Variants in CDKN1A observed in about 807,000 individuals in gnomAD.
The protein encoded by CDKN1A is cyclin-dependent kinase inhibitor 1.
CDKN1A carries 14 observed loss-of-function variants against 14.8 expected under a neutral mutation model. The ratio of observed to expected loss-of-function variants is 0.94; its 90% CI spans 0.62 to 1.48. The LOEUF is 1.48. Ranked by LOEUF, CDKN1A falls within the 40% of genes most tolerant of loss-of-function variation. CDKN1A has a pLI of 0.00. For missense variants in CDKN1A, 203 were observed against 231.7 expected (o/e 0.88, Z 0.80); for synonymous variants, 92 against 93.5 (o/e 0.98, Z 0.09).
chr6:36,681,898 A>T lies in CDKN1A; in HGVS notation c.-5-2199A>T, dbSNP rs1388902990. Reference sequence around the variant, plus strand: ...TGTGAGACACTGCACCCAACCACCCAGCTAATTTTTATTTATTTTTATTTT... The same window carrying T: ...TGTGAGACACTGCACCCAACCACCCTGCTAATTTTTATTTATTTTTATTTT... On this transcript the variant is annotated intron_variant, in intron 1 of 2. Coordinates refer to ENST00000244741, the MANE Select transcript of CDKN1A (RefSeq NM_000389.5). 2.0e-5 allele frequency among the ~76,000 whole-genome samples: 3 copies of T among 151,920 alleles called. No individual in the cohort carries two copies. In the East Asian group the frequency reaches 5.8e-4, roughly 29 times the overall value.
At chr6:36,681,270 T>TTCTCTCTTTCTTTCCC (rs748598723) in intron 1 of CDKN1A, among the ~76,000 whole-genome samples, 4 of 86,046 alleles carry the variant, frequency 4.6e-5, no homozygotes, top group Admixed American at 1.2e-4. Context: ...GTGCTTTTCT[T>TTCTCTCTTTCTTTCCC]TCTTTCTTTT....
At chr6:36,685,064 T>G (rs1762154265) in intron 2 of CDKN1A, among the ~76,000 whole-genome samples, 1 of 152,164 alleles carries the variant, frequency 6.6e-6, no homozygotes, top group African/African-American at 2.4e-5. Flanking sequence ...GGTCTTGAAC[T>G]CCTGAGCTCA....
At chr6:36,678,645 GTCCCGCCTCCTT>G, upstream of CDKN1A, 1 of 984,378 alleles carries the variant, frequency 1.0e-6, no homozygotes, top group Non-Finnish European at 1.2e-6. The surrounding 1 kb of genome is among the most constrained non-coding windows in gnomAD (Gnocchi z 5.7). Context: ...CCGAGCGCGG[GTCCCGCCTCCTT>G]GAGGCGGGCC....
intron 1 of CDKN1A, among the ~76,000 whole-genome samples, chr6:36,681,811 G>C (rs1318302440): frequency 2.6e-5 from 4 of 151,902 alleles, no homozygotes; most frequent in East Asian, 3.9e-4. Flanking sequence ...AGCCAGGATG[G>C]TCTCAATCTC....
upstream of CDKN1A, chr6:36,678,620 G>T (rs973415904): frequency 1.7e-5 from 17 of 979,898 alleles, no homozygotes; most frequent in Non-Finnish European, 2.1e-5. The surrounding 1 kb of genome is among the most constrained non-coding windows in gnomAD (Gnocchi z 5.7). Context: ...GGGCGGTCCC[G>T]GGCGGCGCGG....
Position 36,684,127 on chromosome 6 carries a change from G to A in CDKN1A, c.26G>A (p.Arg9His), listed in dbSNP as rs143419412. 114 of 1,613,302 alleles carry A rather than the reference G, an allele frequency of 7.1e-5. No individual in the cohort carries two copies. The African/African-American group carries it at 1.1e-3, about 16-fold the overall frequency. Residue 9 changes from arginine (R) to histidine (H), a missense_variant, in exon 2 of 3, where the codon CGT (arginine) becomes CAT (histidine). Coordinates refer to ENST00000244741, the MANE Select transcript of CDKN1A (RefSeq NM_000389.5). The surrounding 1 kb of genome is among the most constrained non-coding windows in gnomAD (Gnocchi z 6.0). ...ATGTCAGAACCGGCTGGGGATGTCC[G>A]TCAGAACCCATGCGGCAGCAAGGCC... MSEPAGDV[R>H]QNPCGSKACR... is the part of the protein sequence containing the mutation.
At chr6:36,677,765 C>A (rs1761741296), upstream of CDKN1A, 2 of 720,242 alleles carry the variant, frequency 2.8e-6, no homozygotes, top group African/African-American at 1.8e-5. Context: ...ATAGTCATTT[C>A]TTTGCTGCAT....
chr6:36,686,477 C>T lies in CDKN1A; in HGVS notation c.*677C>T, dbSNP rs2150316110. On this transcript the variant is annotated 3_prime_UTR_variant, in exon 3 of 3. Transcript: ENST00000244741. This position sits in a 1 kb window ranked among gnomAD's most constrained non-coding sequence, Gnocchi z 4.9. ...TGGAGCAGACCACCCCGCCTGCCCT[C>T]ATGGCCCCTCTGACCTGCACTGGGG... is the stretch of plus-strand genomic sequence containing the variant. The T allele has an allele frequency of 4.2e-6, 1 of 237,766 alleles. No homozygotes were observed. Among genetic ancestry groups the T allele is most frequent in the African/African-American group, 2.2e-5 (1 of 45,494 alleles). The allele number at this position is 237,766 out of a possible 1,614,324, so 14.7% of individuals were successfully genotyped here.
intron 1 of CDKN1A, among the ~76,000 whole-genome samples, chr6:36,679,544 G>A (rs1761828096): frequency 6.6e-6 from 1 of 152,216 alleles, no homozygotes; most frequent in Non-Finnish European, 1.5e-5. Flanking sequence ...GCCCCTTCGC[G>A]GTCTCCGTCC....
At chr6:36,681,400 TCTTTCTTC>T (rs201609483) in intron 1 of CDKN1A, among the ~76,000 whole-genome samples, 7 of 101,988 alleles carry the variant, frequency 6.9e-5, no homozygotes, top group South Asian at 3.4e-4. Flanking sequence ...TTTCTTTCTT[TCTTTCTTC>T]CTTTCTCTTT....
rs530206556 is a variant in CDKN1A at position 36,678,723 on chromosome 6, G to A, written c.-81G>A. ...CTGAGCTGCGCCAGCTGAGGTGTGA[G>A]CAGCTGCCGAAGTCAGTTCCTTGTG... On this transcript the variant is annotated 5_prime_UTR_variant, in exon 1 of 3. Transcript: ENST00000244741. This position sits in a 1 kb window ranked among gnomAD's most constrained non-coding sequence, Gnocchi z 5.7. The A allele has an allele frequency of 4.1e-6, 4 of 985,520 alleles. No individual in the cohort carries two copies. The highest frequency in any genetic ancestry group is 6.1e-5 in the Admixed American group (1 of 16,296). The allele number at this position is 985,520 out of a possible 1,614,324, so 61.0% of individuals were successfully genotyped here. A position where few individuals can be genotyped will look rare whatever the true frequency, so the allele number is the denominator to read the frequency against.
rs757064535 is a variant in CDKN1A, at chr6:36,684,557, G to A, written c.445+11G>A. 3.1e-6 allele frequency: 5 copies of A among 1,612,784 alleles called. No individual in the cohort carries two copies. The highest frequency in any genetic ancestry group is 1.3e-5 in the African/African-American group (1 of 74,926). ...AGACCAGCATGACAGGTGCGGACAT[G>A]TGCACGGAAGGACTTTGTAAGGGAC... On this transcript the variant is annotated intron_variant, in intron 2 of 2. Coordinates refer to ENST00000244741, the MANE Select transcript of CDKN1A (RefSeq NM_000389.5). The surrounding 1 kb of genome is among the most constrained non-coding windows in gnomAD (Gnocchi z 6.0).
At chr6:36,683,138 A>G (rs1014829161) in intron 1 of CDKN1A, among the ~76,000 whole-genome samples, 1 of 152,246 alleles carries the variant, frequency 6.6e-6, no homozygotes, top group Non-Finnish European at 1.5e-5. Flanking sequence ...TCTGTTTTCA[A>G]TGCACTTCTC....
intron 1 of CDKN1A, chr6:36,680,432 CG>C (rs1761892144): frequency 6.6e-6 from 1 of 151,710 alleles, no homozygotes; most frequent in Non-Finnish European, 1.5e-5. Flanking sequence ...GACGTGTTCG[CG>C]GCCCCCCGGT....
At chr6:36,680,812 G>A (rs1254133043) in intron 1 of CDKN1A, 1 of 152,252 alleles carries the variant, frequency 6.6e-6, no homozygotes, top group Non-Finnish European at 1.5e-5. Flanking sequence ...TGAAGTCTAA[G>A]GCAGGAAGGC....
upstream of CDKN1A, chr6:36,678,096 T>C: frequency 2.6e-6 from 1 of 379,044 alleles, no homozygotes; most frequent in South Asian, 2.1e-5. This position sits in a 1 kb window ranked among gnomAD's most constrained non-coding sequence, Gnocchi z 5.7. Context: ...AATTTCCTCA[T>C]CTGTGAAATA....
intron 1 of CDKN1A, among the ~76,000 whole-genome samples, chr6:36,683,885 C>G (rs1161320866): frequency 6.6e-6 from 1 of 152,254 alleles, no homozygotes; most frequent in Non-Finnish European, 1.5e-5. Flanking sequence ...CAGTTGCCTG[C>G]TCTCCCAGTG....
At position 36,678,923 on chromosome 6, in the gene CDKN1A, A is replaced by T; in HGVS notation, c.-6+125A>T. 1.0e-6 allele frequency: 1 copy of T among 985,996 alleles called. No individual in the cohort carries two copies. The highest frequency in any genetic ancestry group is 1.2e-6 in the Non-Finnish European group (1 of 830,316). 61.1% of individuals were successfully genotyped at this position (985,996 alleles called of 1,614,324 possible). A position where few individuals can be genotyped will look rare whatever the true frequency, so the allele number is the denominator to read the frequency against. On this transcript the variant is annotated intron_variant, in intron 1 of 2. Coordinates refer to ENST00000244741, the MANE Select transcript of CDKN1A (RefSeq NM_000389.5). This position sits in a 1 kb window ranked among gnomAD's most constrained non-coding sequence, Gnocchi z 5.7. ...GTTCGCGGGTGTGTGCTGCGTTCACAGGTGTTTCTGCGGCAGGTGAATGAC... is the reference window on the plus strand; with the variant it reads ...GTTCGCGGGTGTGTGCTGCGTTCACTGGTGTTTCTGCGGCAGGTGAATGAC...
At chr6:36,680,057 G>A (rs1220797773) in intron 1 of CDKN1A, among the ~76,000 whole-genome samples, 1 of 152,182 alleles carries the variant, frequency 6.6e-6, no homozygotes, top group Non-Finnish European at 1.5e-5. Context: ...AAACCCCTGG[G>A]GGACACTTGC....
Sources: gnomAD v4.1 joint callset for allele counts (sites outside exome capture counted in the v4.1 genomes callset) on GRCh38, gnomAD v4.1.1 for gene constraint, Gnocchi (gnomAD v3.1) non-coding constraint, MANE v1.5 for transcripts, NCBI Gene and HGNC (gene_info 2026-07-23, HGNC 2026-07-21) for gene names.